Variants in TSBP1 observed in about 807,000 individuals in gnomAD.
TSBP1 encodes the protein testis expressed basic protein 1.
Under a neutral mutation model 68.8 loss-of-function variants are expected in TSBP1, and 56 were observed. The ratio of observed to expected loss-of-function variants is 0.81; its 90% CI spans 0.66 to 1.02. TSBP1 has a LOEUF of 1.02. Ranked by LOEUF, TSBP1 falls within the 50% of genes least tolerant of loss-of-function variation. The pLI is 0.00. For missense variants in TSBP1, 502 were observed against 641.2 expected (o/e 0.78, Z 2.34); for synonymous variants, 171 against 208.7 (o/e 0.82, Z 1.56).
chr6:32,359,861 T>C (rs1442425784), intron 6 of TSBP1, among the ~76,000 whole-genome samples: 1 of 152,134 alleles, frequency 6.6e-6, no homozygotes, highest in African/African-American at 2.4e-5. Context: ...GTTGAATTTC[T>C]CTTGACTACT....
intron 6 of TSBP1, among the ~76,000 whole-genome samples, 167 bp from the exon 7 acceptor site, chr6:32,355,836 A>T (rs1040054995): frequency 6.6e-6 from 1 of 152,214 alleles, no homozygotes; most frequent in Non-Finnish European, 1.5e-5. Context: ...ATGACATTAA[A>T]AAAACAGGCA....
At position 32,302,778 on chromosome 6, in the gene TSBP1, C is replaced by T. The variant is rs1471055610; in HGVS notation, c.581-149G>A. ...AATGAAATATGATGAGACAACAGAT[C>T]CCTTAGTGTGTTATAAGAACCTGAC... is the stretch of plus-strand genomic sequence containing the variant. On this transcript the variant is annotated intron_variant, in intron 19 of 22. Coordinates refer to ENST00000612031, the Ensembl canonical transcript of TSBP1. The surrounding 1 kb of genome is among the most constrained non-coding windows in gnomAD (Gnocchi z 5.1). 1.6e-5 allele frequency: 10 copies of T among 611,502 alleles called. No individual in the cohort carries two copies. The East Asian group carries it at 2.7e-4, about 17-fold the overall frequency. 37.9% of individuals were successfully genotyped at this position (611,502 alleles called of 1,614,324 possible). A position where few individuals can be genotyped will look rare whatever the true frequency, so the allele number is the denominator to read the frequency against.
chr6:32,352,148 A>G (rs1308128311), intron 8 of TSBP1, among the ~76,000 whole-genome samples: 1 of 152,062 alleles, frequency 6.6e-6, no homozygotes, highest in Non-Finnish European at 1.5e-5. Flanking sequence ...ATAGAAGAGA[A>G]AAGACACAGG....
Position 32,361,954 on chromosome 6 carries a change from T to C in TSBP1, c.217+4213A>G, listed in dbSNP as rs117040717. 9.9e-3 allele frequency among the ~76,000 whole-genome samples: 1,513 copies of C among 152,110 alleles called. 47 individuals are homozygous for C. The highest frequency in any genetic ancestry group is 0.089 in the East Asian group (456 of 5,146). On this transcript the variant is annotated intron_variant, in intron 6 of 22. Coordinates refer to ENST00000612031, the Ensembl canonical transcript of TSBP1. This position sits in a 1 kb window ranked among gnomAD's most constrained non-coding sequence, Gnocchi z 4.3. ...CCACATAAATGGATTAATCCACTAA[T>C]GGATTAATGAGTTGTCAGGCAAGTG...
intron 6 of TSBP1, among the ~76,000 whole-genome samples, chr6:32,364,595 T>G (rs1773452520): frequency 6.6e-6 from 1 of 152,052 alleles, no homozygotes; most frequent in Admixed American, 6.5e-5. Context: ...TTTTTTTCTC[T>G]TTGTTGAACT....
intron 15 of TSBP1, among the ~76,000 whole-genome samples, chr6:32,331,478 A>G (rs1179454124): frequency 2.0e-5 from 3 of 152,230 alleles, no homozygotes; most frequent in East Asian, 1.9e-4. Flanking sequence ...GTAAGCCTCC[A>G]GCAATTTGAA....
At chr6:32,344,579 A>G (rs1272413234) in intron 9 of TSBP1, among the ~76,000 whole-genome samples, 19 of 152,198 alleles carry the variant, frequency 1.2e-4, no homozygotes, top group Admixed American at 1.2e-3. Flanking sequence ...GTGCACGCCA[A>G]TTGCTTAAAA....
Position 32,371,849 on chromosome 6 carries a change from CAGAGG to C in TSBP1, c.-148_-144del. Reference sequence around the variant, plus strand: ...AGGGAGGCCCTTGTAGGCAGAGATGCAGAGGATCACTGAGAAATTGTGTGGAGCAG... The same window carrying C: ...AGGGAGGCCCTTGTAGGCAGAGATGCATCACTGAGAAATTGTGTGGAGCAG... On this transcript the variant is annotated 5_prime_UTR_variant, in exon 1 of 23. The change creates a new upstream start codon in the 5' untranslated region. Transcript: ENST00000612031. The C allele has an allele frequency of 1.2e-6, 1 of 832,338 alleles. No homozygotes were observed. The highest frequency in any genetic ancestry group is 2.0e-6 in the Non-Finnish European group (1 of 494,862). The allele number at this position is 832,338 out of a possible 1,614,324, so 51.6% of individuals were successfully genotyped here. A position where few individuals can be genotyped will look rare whatever the true frequency, so the allele number is the denominator to read the frequency against.
At chr6:32,330,432 C>A (rs1768840268) in intron 16 of TSBP1, among the ~76,000 whole-genome samples, 157 bp downstream of exon 17, 1 of 151,898 alleles carries the variant, frequency 6.6e-6, no homozygotes, top group African/African-American at 2.4e-5. Context: ...CTGGAGAATT[C>A]TCAGTAGGTT....
rs9268367 is a variant in TSBP1, at chr6:32,365,765, A to G, written c.217+402T>C. 102,779 of 397,882 alleles carry G rather than the reference A, an allele frequency of 0.26. 15,269 individuals carry two copies. The highest frequency in any genetic ancestry group is 0.44 in the African/African-American group (21,291 of 48,126). The allele number at this position is 397,882 out of a possible 1,614,324, so 24.6% of individuals were successfully genotyped here. On this transcript the variant is annotated intron_variant, in intron 6 of 22. Coordinates refer to ENST00000612031, the Ensembl canonical transcript of TSBP1. This position sits in a 1 kb window ranked among gnomAD's most constrained non-coding sequence, Gnocchi z 4.3. ...GAAACTGTTCTTCTTACCCTCTTTA[A>G]TACATCTGTTCTAGGATTTTATAAC...
chr6:32,349,844 G>A (rs1038330547), intron 8 of TSBP1, 84 bp from the exon 9 acceptor site: 1 of 1,503,784 alleles, frequency 6.6e-7, no homozygotes, highest in African/African-American at 1.4e-5. Context: ...ATTGCAGAAA[G>A]GTTGTGGAAA....
At chr6:32,347,172 T>C (rs1476983527) in intron 9 of TSBP1, among the ~76,000 whole-genome samples, 4 of 151,958 alleles carry the variant, frequency 2.6e-5, no homozygotes, top group Non-Finnish European at 5.9e-5. Context: ...TAGATTTTTT[T>C]TTTTTTTTTG....
Position 32,346,003 on chromosome 6 carries a change from A to ATTT in TSBP1, c.349+3734_349+3736dup, listed in dbSNP as rs1164787889. On this transcript the variant is annotated intron_variant, in intron 9 of 22. Coordinates refer to ENST00000612031, the Ensembl canonical transcript of TSBP1. The stretch of plus-strand genomic sequence containing the variant: ...TAATCCCAAAATGTGTCATATCCTC[A>ATTT]TTTTTTTTTTTTTTTTTTTTTTGAG... Among the ~76,000 whole-genome samples the ATTT allele has an allele frequency of 3.3e-4, 17 of 51,772 alleles. 4 individuals carry two copies. The highest frequency in any genetic ancestry group is 6.2e-4 in the East Asian group (1 of 1,604). The allele number at this position is 51,772 out of a possible 152,430, so 34.0% of individuals were successfully genotyped here.
chr6:32,293,136 TA>T lies in TSBP1; in HGVS notation c.1536del (p.Asn512LysfsTer61), dbSNP rs1482756353. On this transcript the variant is annotated frameshift_variant, in exon 23 of 23. Coordinates refer to ENST00000612031, the Ensembl canonical transcript of TSBP1. LOFTEE classifies it low-confidence loss of function (END_TRUNC). ...GTGTTTTTGTCACCTTTTTCTTTTT[TA>T]TTTGGATCTTTCTCTGCATCTCTCT... The T allele has an allele frequency of 6.3e-7, 1 of 1,597,470 alleles. No homozygotes were observed. The highest frequency in any genetic ancestry group is 2.2e-5 in the East Asian group (1 of 44,786).
Position 32,355,687 on chromosome 6 carries a change from A to G in TSBP1, c.218-18T>C, listed in dbSNP as rs764138025. 514 of 1,584,174 alleles carry G rather than the reference A, an allele frequency of 3.2e-4. No individual in the cohort carries two copies. The highest frequency in any genetic ancestry group is 4.1e-4 in the Non-Finnish European group (484 of 1,168,128). On this transcript the variant is annotated intron_variant, in intron 6 of 22. Transcript: ENST00000612031. Reference sequence around the variant, plus strand: ...GGATCTCTCTGAAAACATAAACAAAAGAAAGAAAAATCAATTTGGATATTC... The same window carrying G: ...GGATCTCTCTGAAAACATAAACAAAGGAAAGAAAAATCAATTTGGATATTC...
rs951102298 is a variant in TSBP1, at chr6:32,343,501, A to C, written c.350-3863T>G. Reference sequence around the variant, plus strand: ...ACTATATTTCCAATATTCTGATTTCATTCACCACCTTTCTCCTGTCTTTTC... The same window carrying C: ...ACTATATTTCCAATATTCTGATTTCCTTCACCACCTTTCTCCTGTCTTTTC... On this transcript the variant is annotated intron_variant, in intron 9 of 22. Transcript: ENST00000612031. The surrounding 1 kb of genome is among the most constrained non-coding windows in gnomAD (Gnocchi z 4.3). Among the ~76,000 whole-genome samples, 2 of 152,104 alleles carry C rather than the reference A, an allele frequency of 1.3e-5. No homozygotes were observed. The highest frequency in any genetic ancestry group is 2.9e-5 in the Non-Finnish European group (2 of 68,020).
intron 6 of TSBP1, among the ~76,000 whole-genome samples, chr6:32,360,260 A>G (rs1489303430): frequency 4.6e-5 from 7 of 151,724 alleles, no homozygotes; most frequent in Admixed American, 2.6e-4. Context: ...TATACATGAG[A>G]TCATGTAGTA....
At chr6:32,296,444 T>C (rs1438549397) in intron 22 of TSBP1, among the ~76,000 whole-genome samples, 1 of 152,248 alleles carries the variant, frequency 6.6e-6, no homozygotes, top group Non-Finnish European at 1.5e-5. Flanking sequence ...CATTAAAATA[T>C]GGTTACTGAC....
At chr6:32,323,339 A>G (rs893997821) in intron 17 of TSBP1, 24 of 676,746 alleles carry the variant, frequency 3.5e-5, no homozygotes, top group Admixed American at 3.3e-4. Flanking sequence ...TAAGGATTAA[A>G]TGAGGTAATG....
Sources: gnomAD v4.1 joint callset for allele counts (sites outside exome capture counted in the v4.1 genomes callset) on GRCh38, gnomAD v4.1.1 for gene constraint, Gnocchi (gnomAD v3.1) non-coding constraint, MANE v1.5 for transcripts, NCBI Gene and HGNC (gene_info 2026-07-23, HGNC 2026-07-21) for gene names.